Variants in TEX14 observed in about 807,000 individuals in gnomAD.
TEX14 encodes the protein testis expressed 14, intercellular bridge forming factor.
A neutral mutation model predicts 178.6 loss-of-function variants in TEX14; 168 were observed. The ratio of observed to expected loss-of-function variants is 0.94; its 90% confidence interval spans 0.83 to 1.07. TEX14 has a LOEUF of 1.07. Among genes scored for constraint, TEX14 ranks in the 50% least tolerant of loss-of-function variants. The pLI is 0.00. For synonymous variants in TEX14, 626 were observed against 634.1 expected (o/e 0.99, Z 0.19); for missense variants, 1,730 against 1,753.6 (o/e 0.99, Z 0.24).
At chr17:58,647,555 C>T (rs909303066) in intron 2 of TEX14, among the ~76,000 whole-genome samples, 1 of 150,580 alleles carries the variant, frequency 6.6e-6, no homozygotes, top group Non-Finnish European at 1.5e-5. Context: ...TGGATTCTGC[C>T]TGAGATGCCT....
chr17:58,659,743 G>C (rs1377130698), intron 1 of TEX14, among the ~76,000 whole-genome samples: 2 of 152,000 alleles, frequency 1.3e-5, no homozygotes, highest in Non-Finnish European at 2.9e-5. Context: ...CTATTTCTCA[G>C]TGCTTTTCAA....
At chr17:58,616,339 G>A (rs753694762) in intron 6 of TEX14, 34 bp from the exon 7 acceptor site, 14 of 1,602,190 alleles carry the variant, frequency 8.7e-6, no homozygotes, top group Non-Finnish European at 1.1e-5. Flanking sequence ...ATTATGGGGA[G>A]AAGGGGGGAA....
At chr17:58,586,304 C>T (rs1453253982) in intron 17 of TEX14, among the ~76,000 whole-genome samples, 1 of 151,948 alleles carries the variant, frequency 6.6e-6, no homozygotes, top group Non-Finnish European at 1.5e-5. Context: ...TCCCAAACAA[C>T]AGCCCTTGTT....
intron 11 of TEX14, among the ~76,000 whole-genome samples, chr17:58,602,839 G>C (rs756650538): frequency 2.6e-5 from 4 of 151,608 alleles, no homozygotes; most frequent in Non-Finnish European, 4.4e-5. Context: ...AGGCCGAGGC[G>C]GGTGGATCAC....
chr17:58,586,322 T>A (rs1371610909), intron 17 of TEX14, among the ~76,000 whole-genome samples: 1 of 149,160 alleles, frequency 6.7e-6, no homozygotes, highest in Non-Finnish European at 1.5e-5. Context: ...GTTGCTTACT[T>A]CCAGGGTGAA....
intron 19 of TEX14, among the ~76,000 whole-genome samples, chr17:58,582,589 A>G (rs2044849572): frequency 7.4e-6 from 1 of 135,406 alleles, no homozygotes; most frequent in East Asian, 2.2e-4. Flanking sequence ...TTTGAGACAG[A>G]GTCTTCCTCT....
chr17:58,593,725 C>T lies in TEX14; in HGVS notation c.2470-64G>A, dbSNP rs1172150150. On this transcript the variant is annotated intron_variant, in intron 14 of 31. Transcript: ENST00000349033. ...AGAATTCCCACTCTCTTCACTGTCA[C>T]ACTATTTTCAAAGCCATTCTTGCTA... 9 of 1,332,596 alleles carry T rather than the reference C, an allele frequency of 6.8e-6. No homozygotes were observed. The South Asian group carries it at 8.3e-5, about 12-fold the overall frequency. The allele number at this position is 1,332,596 out of a possible 1,614,324, so 82.5% of individuals were successfully genotyped here. A position where few individuals can be genotyped will look rare whatever the true frequency, so the allele number is the denominator to read the frequency against.
chr17:58,659,601 G>A (rs987157464), intron 1 of TEX14, among the ~76,000 whole-genome samples: 4 of 152,146 alleles, frequency 2.6e-5, no homozygotes, highest in Non-Finnish European at 4.4e-5. Context: ...TCTAGCTGCC[G>A]CTCCCAAGGA....
intron 2 of TEX14, among the ~76,000 whole-genome samples, chr17:58,641,803 C>T (rs777376872): frequency 2.3e-4 from 35 of 152,174 alleles, no homozygotes; most frequent in South Asian, 2.1e-4. Context: ...CCACTGCGCC[C>T]AGCCAAGTGA....
intron 14 of TEX14, among the ~76,000 whole-genome samples, chr17:58,597,888 T>C (rs1397711099): frequency 6.6e-6 from 1 of 152,146 alleles, no homozygotes; most frequent in Non-Finnish European, 1.5e-5. Flanking sequence ...CTGCAAGCTA[T>C]ACCTCCTAGC....
chr17:58,601,521 CAAA>C (rs1198529874), intron 13 of TEX14, among the ~76,000 whole-genome samples: 1 of 99,828 alleles, frequency 1.0e-5, no homozygotes. Context: ...GATTCCATCT[CAAA>C]AAAAAAAAAA....
intron 5 of TEX14, among the ~76,000 whole-genome samples, chr17:58,619,522 G>C (rs913995611): frequency 1.3e-5 from 2 of 151,650 alleles, no homozygotes; most frequent in African/African-American, 4.8e-5. Context: ...ATTAAGAGGA[G>C]GGGGGGCGGG....
chr17:58,688,785 A>G (rs1226237847), intron 1 of TEX14, among the ~76,000 whole-genome samples: 2 of 152,154 alleles, frequency 1.3e-5, no homozygotes, highest in African/African-American at 2.4e-5. Flanking sequence ...CTCAAGTTGC[A>G]AGAAAAACCA....
chr17:58,613,793 A>T (rs1159306357), intron 8 of TEX14, among the ~76,000 whole-genome samples: 3 of 152,004 alleles, frequency 2.0e-5, no homozygotes, highest in Non-Finnish European at 4.4e-5. Flanking sequence ...CAGGCTTCCA[A>T]GTAGCTGGGA....
At chr17:58,622,483 GTCAGTGGGCC>G (rs994924427) in intron 4 of TEX14, among the ~76,000 whole-genome samples, 49 of 151,630 alleles carry the variant, frequency 3.2e-4, no homozygotes, top group African/African-American at 8.9e-4. Context: ...GTTACTTAAT[GTCAGTGGGCC>G]TCAGTTTCCC....
At chr17:58,563,672 G>T (rs867032013) in intron 28 of TEX14, among the ~76,000 whole-genome samples, 59 of 40,688 alleles carry the variant, frequency 1.5e-3, no homozygotes, top group South Asian at 4.5e-3. Flanking sequence ...GAGAGAGAGA[G>T]AGAGAGAGAG....
intron 1 of TEX14, among the ~76,000 whole-genome samples, chr17:58,653,464 G>A (rs935335910): frequency 2.0e-5 from 3 of 152,040 alleles, no homozygotes; most frequent in Non-Finnish European, 4.4e-5. Flanking sequence ...TTAAAAACTC[G>A]ATCCCCAATA....
chr17:58,616,189 G>A lies in TEX14; in HGVS notation c.753C>T (p.Tyr251=). The A allele has an allele frequency of 6.2e-7, 1 of 1,613,764 alleles. No homozygotes were observed. The highest frequency in any genetic ancestry group is 2.2e-5 in the East Asian group (1 of 44,874). ...CCCCCACTTACTTGGTCATGACCAT[G>A]TAGGGGCCGCTGAAGAAAGAGAAGG... The part of the protein sequence containing the change: ...EPTFSFFSGP[Y]MVMTNLVWNG... Residue 251 remains tyrosine (Y), a synonymous_variant, in exon 7 of 32, where the codon TAC becomes TAT. Coordinates refer to ENST00000349033, the MANE Select transcript of TEX14 (RefSeq NM_031272.5).
At chr17:58,673,303 A>T (rs1031112200) in intron 1 of TEX14, among the ~76,000 whole-genome samples, 1 of 151,474 alleles carries the variant, frequency 6.6e-6, no homozygotes, top group African/African-American at 2.4e-5. Context: ...ATATGGCGAA[A>T]CCATAAAAAA....
Sources: gnomAD v4.1 joint callset for allele counts (sites outside exome capture counted in the v4.1 genomes callset) on GRCh38, gnomAD v4.1.1 for gene constraint, MANE v1.5 for transcripts, NCBI Gene and HGNC (gene_info 2026-07-23, HGNC 2026-07-21) for gene names.